The following SLC35F3 variants were observed in gnomAD, a reference collection of about 807,000 sequenced individuals.
The protein encoded by SLC35F3 is putative thiamine transporter SLC35F3.
SLC35F3 carries 25 observed loss-of-function variants against 49.9 expected under a neutral mutation model. The observed-to-expected ratio is 0.50, with a 90% CI of 0.37 to 0.70. The LOEUF (loss-of-function observed/expected upper bound fraction) is 0.70. Ranked by LOEUF, SLC35F3 falls within the 30% of genes least tolerant of loss-of-function variation. The pLI, the probability that SLC35F3 is intolerant of heterozygous loss-of-function variation, is 0.00. For missense variants in SLC35F3, 525 were observed against 639.8 expected (o/e 0.82, Z 1.94); for synonymous variants, 275 against 265.4 (o/e 1.04, Z -0.35).
At chr1:234,036,182 C>T (rs1450899200) in intron 2 of SLC35F3, among the ~76,000 whole-genome samples, 1 of 152,138 alleles carries the variant, frequency 6.6e-6, no homozygotes, top group Non-Finnish European at 1.5e-5. Flanking sequence ...CCACCCTCAG[C>T]CTCCCAAGTA....
chr1:234,022,480 C>T (rs866082018), intron 2 of SLC35F3, among the ~76,000 whole-genome samples: 3 of 151,960 alleles, frequency 2.0e-5, no homozygotes, highest in Middle Eastern at 3.2e-3. Flanking sequence ...TTTTTTTCCT[C>T]AAGGCCTTCA....
chr1:234,022,309 CAG>C (rs984909374), intron 2 of SLC35F3, among the ~76,000 whole-genome samples: 9 of 152,258 alleles, frequency 5.9e-5, no homozygotes, highest in East Asian at 1.9e-4. Flanking sequence ...GAGAGAGAAA[CAG>C]AGAGATAAAT....
At chr1:234,083,167 C>T (rs147512349) in intron 2 of SLC35F3, among the ~76,000 whole-genome samples, 46 of 152,252 alleles carry the variant, frequency 3.0e-4, no homozygotes, top group Admixed American at 1.2e-3. Flanking sequence ...ACACAGAAGT[C>T]TGTTGTCTTC....
intron 2 of SLC35F3, among the ~76,000 whole-genome samples, chr1:234,168,193 C>T (rs1222051810): frequency 6.6e-6 from 1 of 152,228 alleles, no homozygotes; most frequent in Non-Finnish European, 1.5e-5. Context: ...AGGGTCCTGT[C>T]TGCACCCTAG....
At chr1:234,043,185 G>A (rs1169392245) in intron 2 of SLC35F3, among the ~76,000 whole-genome samples, 4 of 152,088 alleles carry the variant, frequency 2.6e-5, no homozygotes, top group African/African-American at 9.7e-5. Flanking sequence ...CCTCCTCAGA[G>A]TGACCTTACA....
At position 233,994,456 on chromosome 1, in the gene SLC35F3, AGTGTG is replaced by A. The variant is rs1663424861; in HGVS notation, c.283+88704_283+88708del. Among the ~76,000 whole-genome samples, 12 of 152,296 alleles carry A rather than the reference AGTGTG, an allele frequency of 7.9e-5. No individual in the cohort carries two copies. The South Asian group carries it at 2.5e-3, about 32-fold the overall frequency. On this transcript the variant is annotated intron_variant, in intron 2 of 7. Transcript: ENST00000366618. ...TATTCAGCTTCTCTGTAAATGTCAG[AGTGTG>A]GTGTGTATCAGCCAATCCTCCTGTA... is the stretch of plus-strand genomic sequence containing the variant.
chr1:234,082,493 T>G (rs748615181), intron 2 of SLC35F3, among the ~76,000 whole-genome samples: 2 of 152,222 alleles, frequency 1.3e-5, no homozygotes, highest in Admixed American at 6.5e-5. Context: ...GTTGCTGCCT[T>G]GTCATTTATG....
At chr1:234,088,795 T>A (rs1337338363) in intron 2 of SLC35F3, among the ~76,000 whole-genome samples, 1 of 152,138 alleles carries the variant, frequency 6.6e-6, no homozygotes, top group Non-Finnish European at 1.5e-5. Context: ...AGAGTCTCTC[T>A]CTGTCATCCA....
At chr1:234,149,091 A>G (rs1278467802) in intron 2 of SLC35F3, among the ~76,000 whole-genome samples, 1 of 152,220 alleles carries the variant, frequency 6.6e-6, no homozygotes. Context: ...GGGAACACAC[A>G]TGTAGGAGTC....
rs567626710 is a variant in SLC35F3, at chr1:234,250,070, C to T, written c.608+18329C>T. Reference sequence around the variant, plus strand: ...TATGGGAGAAGAAGGAAATTATAGGCCCTGTAGTAGACCTTCTTTTCCACT... The same window carrying T: ...TATGGGAGAAGAAGGAAATTATAGGTCCTGTAGTAGACCTTCTTTTCCACT... On this transcript the variant is annotated intron_variant, in intron 3 of 7. Coordinates refer to ENST00000366618, the MANE Select transcript of SLC35F3 (RefSeq NM_173508.4). Among the ~76,000 whole-genome samples, 19 of 152,212 alleles carry T rather than the reference C, an allele frequency of 1.2e-4. No homozygotes were observed. In the East Asian group the frequency reaches 3.7e-3, roughly 29 times the overall value.
At chr1:233,967,055 G>A (rs1662916165) in intron 2 of SLC35F3, among the ~76,000 whole-genome samples, 2 of 152,092 alleles carry the variant, frequency 1.3e-5, no homozygotes, top group Non-Finnish European at 2.9e-5. Flanking sequence ...AGAAATACAG[G>A]GCACTAAATT....
chr1:234,125,504 C>G (rs1665633751), intron 2 of SLC35F3, among the ~76,000 whole-genome samples: 1 of 152,128 alleles, frequency 6.6e-6, no homozygotes, highest in Admixed American at 6.5e-5. Context: ...GCTGCACCTG[C>G]TGTCAGTGAG....
At chr1:234,026,289 T>C (rs1278332386) in intron 2 of SLC35F3, among the ~76,000 whole-genome samples, 2 of 152,240 alleles carry the variant, frequency 1.3e-5, no homozygotes, top group Non-Finnish European at 2.9e-5. Flanking sequence ...GGCTCTTCTT[T>C]GGTTCAGTAT....
At chr1:234,096,668 G>C (rs902007339) in intron 2 of SLC35F3, among the ~76,000 whole-genome samples, 1 of 152,116 alleles carries the variant, frequency 6.6e-6, no homozygotes, top group Admixed American at 6.5e-5. Flanking sequence ...TAGATTCTTA[G>C]TCTGAAAATA....
At chr1:234,273,453 G>A (rs1288461294) in intron 3 of SLC35F3, among the ~76,000 whole-genome samples, 1 of 152,188 alleles carries the variant, frequency 6.6e-6, no homozygotes, top group Non-Finnish European at 1.5e-5. Flanking sequence ...CCTATCTGGA[G>A]TAGCCAAGAA....
At position 234,027,478 on chromosome 1, in the gene SLC35F3, C is replaced by T. The variant is rs554638585; in HGVS notation, c.283+121720C>T. 3.3e-5 allele frequency among the ~76,000 whole-genome samples: 5 copies of T among 152,322 alleles called. No individual in the cohort carries two copies. The South Asian group carries it at 1.0e-3, about 32-fold the overall frequency. On this transcript the variant is annotated intron_variant, in intron 2 of 7. Coordinates refer to ENST00000366618, the MANE Select transcript of SLC35F3 (RefSeq NM_173508.4). This position sits in a 1 kb window ranked among gnomAD's most constrained non-coding sequence, Gnocchi z 4.1. ...TTGGAGGGGACACACATTCAAACCA[C>T]AGCGATTAACTTTCAATTTCAGTCC... is the stretch of plus-strand genomic sequence containing the variant.
intron 2 of SLC35F3, among the ~76,000 whole-genome samples, chr1:234,009,214 G>A (rs996973922): frequency 6.6e-6 from 1 of 152,090 alleles, no homozygotes; most frequent in African/African-American, 2.4e-5. Flanking sequence ...ATGAATATAG[G>A]CTTTTTTCCT....
intron 2 of SLC35F3, among the ~76,000 whole-genome samples, chr1:234,139,515 G>A (rs991399272): frequency 5.9e-5 from 9 of 152,028 alleles, no homozygotes; most frequent in Non-Finnish European, 1.0e-4. Flanking sequence ...TTTTTATATC[G>A]TCCTTTTACA....
At chr1:234,098,239 T>C (rs918833157) in intron 2 of SLC35F3, among the ~76,000 whole-genome samples, 2 of 146,806 alleles carry the variant, frequency 1.4e-5, no homozygotes, top group African/African-American at 5.1e-5. Context: ...CATAGGGTGA[T>C]GATGGAGGTG....
Sources: allele counts gnomAD v4.1 joint callset (sites outside exome capture counted in the v4.1 genomes callset), GRCh38; gene constraint gnomAD v4.1.1; non-coding constraint Gnocchi (gnomAD v3.1); transcripts MANE v1.5; gene names NCBI Gene and HGNC (gene_info 2026-07-23, HGNC 2026-07-21).